Variants in GNB5 observed in about 807,000 individuals in gnomAD.
The protein encoded by GNB5 is guanine nucleotide-binding protein subunit beta-5.
Under a neutral mutation model 55.3 loss-of-function variants are expected in GNB5, and 37 were observed. The ratio of observed to expected loss-of-function variants is 0.67; its 90% CI spans 0.51 to 0.88. The LOEUF (loss-of-function observed/expected upper bound fraction) is 0.88, where lower values mean the gene tolerates loss of function less well. Ranked by LOEUF, GNB5 falls within the 40% of genes least tolerant of loss-of-function variation. The pLI is 0.00. For missense variants in GNB5, 476 were observed against 515.3 expected (o/e 0.92, Z 0.74); for synonymous variants, 219 against 198.5 (o/e 1.10, Z -0.87).
At chr15:52,158,798 T>G (rs1252918986) in intron 3 of GNB5, among the ~76,000 whole-genome samples, 1 of 152,136 alleles carries the variant, frequency 6.6e-6, no homozygotes, top group South Asian at 2.1e-4. Context: ...TCCAGTTCAG[T>G]CTGTGCCAGC....
chr15:52,184,562 A>G lies in GNB5; in HGVS notation c.115T>C (p.Cys39Arg). Residue 39 changes from cysteine to arginine, a missense_variant, in exon 2 of 13, where the codon TGT becomes CGT. By Grantham distance (180) the Cys-to-Arg change is radical (BLOSUM62 -3). Coordinates refer to ENST00000261837, the MANE Select transcript of GNB5 (RefSeq NM_016194.4). ...TAAGTGGCACTTACAATTTCTGCAC[A>G]TGTTGAACAGTAGCTGAGTTGTTGA... ...KSQQLSYCST[C>R]AEIMATEGLH... 6.2e-7 allele frequency: 1 copy of G among 1,613,744 alleles called. No individual in the cohort carries two copies. The highest frequency in any genetic ancestry group is 8.5e-7 in the Non-Finnish European group (1 of 1,179,682).
rs890767800 is a variant in GNB5, at chr15:52,137,911, C to T, written c.628-2155G>A. 9.3e-6 allele frequency: 12 copies of T among 1,286,754 alleles called. No individual in the cohort carries two copies. In the African/African-American group the frequency reaches 1.8e-4, roughly 20 times the overall value. The allele number at this position is 1,286,754 out of a possible 1,614,324, so 79.7% of individuals were successfully genotyped here. A position where few individuals can be genotyped will look rare whatever the true frequency, so the allele number is the denominator to read the frequency against. On this transcript the variant is annotated intron_variant, in intron 7 of 12. Transcript: ENST00000261837. ...AAGTGGCTCTTGCAGCATAAGTGTC[C>T]ACAAGAGAGCCCTTTGCGGATGATT...
At chr15:52,137,312 G>A (rs1317969101) in intron 7 of GNB5, 3 of 1,091,678 alleles carry the variant, frequency 2.7e-6, no homozygotes, top group Non-Finnish European at 3.4e-6. Context: ...ACACAGGAGG[G>A]TCCCAAACCC....
In GNB5 at chr15:52,117,111, TAG is replaced by T. The variant is rs1296388878; in HGVS notation, c.*5644_*5645del. ...GCTAATATATATATATATTTTTTTTTAGTACAGACAGGGTTTCACCGTGTTAG... is the reference window on the plus strand; with the variant it reads ...GCTAATATATATATATATTTTTTTTTTACAGACAGGGTTTCACCGTGTTAG... On this transcript the variant is annotated 3_prime_UTR_variant, in exon 13 of 13. Transcript: ENST00000261837. 2.6e-4 allele frequency: 35 copies of T among 133,894 alleles called. No individual in the cohort carries two copies. Among genetic ancestry groups the T allele is most frequent in the African/African-American group, 8.8e-4 (29 of 32,916 alleles). The allele number at this position is 133,894 out of a possible 1,614,324, so 8.3% of individuals were successfully genotyped here. A position where few individuals can be genotyped will look rare whatever the true frequency, so the allele number is the denominator to read the frequency against.
rs1009947768 is a variant in GNB5 at position 52,120,060 on chromosome 15, G to A, written c.*2697C>T. The A allele has an allele frequency of 6.6e-6, 1 of 152,194 alleles. No homozygotes were observed. The highest frequency in any genetic ancestry group is 2.4e-5 in the African/African-American group (1 of 41,422). 9.4% of individuals were successfully genotyped at this position (152,194 alleles called of 1,614,324 possible). On this transcript the variant is annotated 3_prime_UTR_variant, in exon 13 of 13. Coordinates refer to ENST00000261837, the MANE Select transcript of GNB5 (RefSeq NM_016194.4). The stretch of plus-strand genomic sequence containing the variant: ...TCTAAAGCACTGGACTTGGCTTCAT[G>A]TCACAGATATTTCCCATAAATACCC...
intron 4 of GNB5, among the ~76,000 whole-genome samples, chr15:52,152,170 C>T (rs570317075): frequency 1.3e-5 from 2 of 150,350 alleles, no homozygotes; most frequent in East Asian, 3.9e-4. Context: ...GCAAAACTGA[C>T]ACAGACGTTA....
chr15:52,150,027 G>T, intron 4 of GNB5, 102 bp from the exon 5 acceptor site: 1 of 859,688 alleles, frequency 1.2e-6, no homozygotes. Flanking sequence ...GTGTGAAGTA[G>T]AAAGCCAGAA....
chr15:52,117,102 A>ATATATATATATATATAAT lies in GNB5; in HGVS notation c.*5654_*5655insATTATATATATATATATA. 1.1e-5 allele frequency: 1 copy of ATATATATATATATATAAT among 87,102 alleles called. No individual in the cohort carries two copies. Among genetic ancestry groups the ATATATATATATATATAAT allele is most frequent in the African/African-American group, 6.1e-5 (1 of 16,420 alleles). The allele number at this position is 87,102 out of a possible 1,614,324, so 5.4% of individuals were successfully genotyped here. A position where few individuals can be genotyped will look rare whatever the true frequency, so the allele number is the denominator to read the frequency against. Reference sequence around the variant, plus strand: ...CCACGCCCAGCTAATATATATATATATTTTTTTTTAGTACAGACAGGGTTT... The same window carrying ATATATATATATATATAAT: ...CCACGCCCAGCTAATATATATATATATATATATATATATATAATTTTTTTTTTAGTACAGACAGGGTTT... On this transcript the variant is annotated 3_prime_UTR_variant, in exon 13 of 13. Coordinates refer to ENST00000261837, the MANE Select transcript of GNB5 (RefSeq NM_016194.4).
chr15:52,143,480 A>G (rs2033903329), intron 6 of GNB5, among the ~76,000 whole-genome samples: 1 of 152,218 alleles, frequency 6.6e-6, no homozygotes, highest in African/African-American at 2.4e-5. Flanking sequence ...ACATGAGATC[A>G]TAGTAAGTGT....
chr15:52,122,854 T>G lies in GNB5; in HGVS notation c.1177-86A>C, dbSNP rs978338711. 4 of 950,692 alleles carry G rather than the reference T, an allele frequency of 4.2e-6. No individual in the cohort carries two copies. In the African/African-American group the frequency reaches 6.5e-5, roughly 15 times the overall value. The allele number at this position is 950,692 out of a possible 1,614,324, so 58.9% of individuals were successfully genotyped here. ...GCTTAAAGAGATAAAATTAGTCTAT[T>G]CACACACATGCATGGGCATACATAT... is the stretch of plus-strand genomic sequence containing the variant. On this transcript the variant is annotated intron_variant, in intron 12 of 12. Transcript: ENST00000261837.
intron 6 of GNB5, among the ~76,000 whole-genome samples, chr15:52,142,176 C>G (rs1329506019): frequency 6.6e-6 from 1 of 152,104 alleles, no homozygotes; most frequent in Non-Finnish European, 1.5e-5. Flanking sequence ...ATTGGTAAAG[C>G]CAACTTTGAT....
chr15:52,146,793 A>G (rs1191472726), intron 6 of GNB5, among the ~76,000 whole-genome samples: 1 of 147,682 alleles, frequency 6.8e-6, no homozygotes. Flanking sequence ...ACATTGCCCA[A>G]GCTGGTCTCG....
chr15:52,134,724 T>C (rs12904831), intron 8 of GNB5, among the ~76,000 whole-genome samples: 20,052 of 152,124 alleles, frequency 0.13, 1,642 homozygotes, highest in Admixed American at 0.25. Flanking sequence ...AAAGGTCCCT[T>C]ATGTGTCCCA....
At chr15:52,150,289 G>A (rs1043977404) in intron 4 of GNB5, among the ~76,000 whole-genome samples, 2 of 152,178 alleles carry the variant, frequency 1.3e-5, no homozygotes, top group Non-Finnish European at 2.9e-5. Context: ...GAAAGATAAA[G>A]CTGACATTAC....
Position 52,137,946 on chromosome 15 carries a change from TG to T in GNB5, c.628-2191del, listed in dbSNP as rs758725429. The T allele has an allele frequency of 7.4e-4, 950 of 1,287,114 alleles. 2 individuals carry two copies. Among genetic ancestry groups the T allele is most frequent in the Non-Finnish European group, 9.1e-4 (897 of 988,590 alleles). 79.7% of individuals were successfully genotyped at this position (1,287,114 alleles called of 1,614,324 possible). A position where few individuals can be genotyped will look rare whatever the true frequency, so the allele number is the denominator to read the frequency against. The stretch of plus-strand genomic sequence containing the variant: ...CCCTTTGCGGATGATTACTGATGGC[TG>T]AGGAAAGAAAAGAGGAATCAGGCCT... On this transcript the variant is annotated intron_variant, in intron 7 of 12. Transcript: ENST00000261837.
At chr15:52,128,092 G>A (rs1201713422) in intron 10 of GNB5, 104 bp downstream of exon 10, 3 of 711,832 alleles carry the variant, frequency 4.2e-6, no homozygotes, top group Non-Finnish European at 7.3e-6. Context: ...TTTCTTTATT[G>A]AATACTCGTT....
chr15:52,184,866 A>C (rs1215343916), intron 1 of GNB5, among the ~76,000 whole-genome samples, 172 bp from the exon 2 acceptor site: 3 of 152,200 alleles, frequency 2.0e-5, no homozygotes, highest in Non-Finnish European at 2.9e-5. Context: ...GGTCAATACA[A>C]CTCATTTAAT....
intron 8 of GNB5, among the ~76,000 whole-genome samples, chr15:52,133,827 C>G (rs574956736): frequency 4.2e-4 from 64 of 152,340 alleles, no homozygotes; most frequent in African/African-American, 1.5e-3. Flanking sequence ...CCTCCCTAAG[C>G]CCAGAGGGCA....
At chr15:52,169,174 A>C (rs1312581997) in intron 3 of GNB5, among the ~76,000 whole-genome samples, 1 of 151,960 alleles carries the variant, frequency 6.6e-6, no homozygotes, top group Admixed American at 6.6e-5. Flanking sequence ...AAATACAAAA[A>C]TTAGGTGTGG....
Sources: gnomAD v4.1 joint callset for allele counts (sites outside exome capture counted in the v4.1 genomes callset) on GRCh38, gnomAD v4.1.1 for gene constraint, MANE v1.5 for transcripts, NCBI Gene and HGNC (gene_info 2026-07-23, HGNC 2026-07-21) for gene names.